SSBP3: variants seen among roughly 807,000 people sequenced by gnomAD.
SSBP3 encodes the protein single stranded DNA binding protein 3.
SSBP3 carries 5 observed loss-of-function variants against 69.6 expected under a neutral mutation model. That is an observed-to-expected ratio of 0.07 (90% confidence interval 0.04 to 0.15). SSBP3 has a LOEUF of 0.15. Ranked by LOEUF, SSBP3 falls within the 10% of genes least tolerant of loss-of-function variation. The probability of loss-of-function intolerance (pLI) is 1.00; values close to 1 mark genes in which losing one functional copy is unlikely to be tolerated. For missense variants in SSBP3, 312 were observed against 534.0 expected (o/e 0.58, Z 4.10); for synonymous variants, 196 against 193.4 (o/e 1.01, Z -0.11).
At position 54,392,640 on chromosome 1, in the gene SSBP3, C is replaced by T. The variant is rs567166257; in HGVS notation, c.276+9221G>A. Among the ~76,000 whole-genome samples, 5 of 152,310 alleles carry T rather than the reference C, an allele frequency of 3.3e-5. No homozygotes were observed. In the South Asian group the frequency reaches 8.3e-4, roughly 25 times the overall value. ...TGCCCCTTGTCCATCTTCATTAAAA[C>T]GAGTACTTAGCACAGTTGATGCCTG... On this transcript the variant is annotated intron_variant, in intron 4 of 17. Transcript: ENST00000610401.
chr1:54,301,859 C>CCA, intron 4 of SSBP3, among the ~76,000 whole-genome samples: 1 of 152,326 alleles, frequency 6.6e-6, no homozygotes, highest in Middle Eastern at 3.4e-3. Context: ...TCCCAGGCAC[C>CCA]CACAGGCTCT....
chr1:54,259,568 T>C (rs1213265543), intron 5 of SSBP3, among the ~76,000 whole-genome samples: 1 of 152,140 alleles, frequency 6.6e-6, no homozygotes, highest in Non-Finnish European at 1.5e-5. Context: ...TTAGAAAAAT[T>C]CAAAATGTGC....
At chr1:54,360,808 A>G (rs1646940290) in intron 4 of SSBP3, among the ~76,000 whole-genome samples, 1 of 152,040 alleles carries the variant, frequency 6.6e-6, no homozygotes, top group African/African-American at 2.4e-5. Context: ...GGCCAGGCAC[A>G]GTGGCTCACT....
At chr1:54,395,144 G>C (rs1470737313) in intron 4 of SSBP3, among the ~76,000 whole-genome samples, 2 of 151,834 alleles carry the variant, frequency 1.3e-5, no homozygotes, top group Admixed American at 6.6e-5. Context: ...ATACCAAAGA[G>C]AACAGTGCAA....
chr1:54,389,353 C>T (rs1648317395), intron 4 of SSBP3, among the ~76,000 whole-genome samples: 1 of 152,028 alleles, frequency 6.6e-6, no homozygotes, highest in Non-Finnish European at 1.5e-5. Flanking sequence ...CACATAGGTC[C>T]CAAAGCCAAG....
chr1:54,319,410 G>T (rs1387040561), intron 4 of SSBP3, among the ~76,000 whole-genome samples: 1 of 151,830 alleles, frequency 6.6e-6, no homozygotes, highest in Non-Finnish European at 1.5e-5. Context: ...TCCCATCCAG[G>T]TCTACACCTG....
At chr1:54,346,748 G>A (rs539240231) in intron 4 of SSBP3, among the ~76,000 whole-genome samples, 295 of 151,830 alleles carry the variant, frequency 1.9e-3, no homozygotes, top group Non-Finnish European at 3.5e-3. Context: ...CCGGGAGGCG[G>A]AGCTTGCAGT....
chr1:54,405,038 T>C (rs536202804), intron 1 of SSBP3, 108 bp from the exon 2 acceptor site: 13 of 987,896 alleles, frequency 1.3e-5, no homozygotes, highest in African/African-American at 1.3e-4. Context: ...GCCGTCCCAT[T>C]GTGGCCCCGA....
intron 7 of SSBP3, among the ~76,000 whole-genome samples, chr1:54,255,167 G>T (rs544909926): frequency 8.5e-5 from 12 of 140,656 alleles, no homozygotes; most frequent in Admixed American, 4.2e-4. Flanking sequence ...GCGGGGGGGG[G>T]GGTGGTTGGC....
chr1:54,241,177 G>T lies in SSBP3; in HGVS notation c.802-218C>A, dbSNP rs1426724890. The stretch of plus-strand genomic sequence containing the variant: ...TTCAGACCAAGCGGCCCCTGTGGGT[G>T]TGTGTGCCTGCATTATGTGCTCACA... On this transcript the variant is annotated intron_variant, in intron 12 of 17. Transcript: ENST00000610401. Among the ~76,000 whole-genome samples, 4 of 152,284 alleles carry T rather than the reference G, an allele frequency of 2.6e-5. No homozygotes were observed. The East Asian group carries it at 5.8e-4, about 22-fold the overall frequency.
chr1:54,403,909 A>G (rs1250799966), intron 3 of SSBP3, among the ~76,000 whole-genome samples: 1 of 151,630 alleles, frequency 6.6e-6, no homozygotes, highest in African/African-American at 2.4e-5. Flanking sequence ...AAGGACACAG[A>G]GGCCTGGTTA....
At chr1:54,305,494 A>ATT in intron 4 of SSBP3, among the ~76,000 whole-genome samples, 1 of 152,244 alleles carries the variant, frequency 6.6e-6, no homozygotes, top group East Asian at 1.9e-4. Context: ...GCCAGGGAAC[A>ATT]TTTTCAAAAT....
chr1:54,356,005 A>G (rs1281697446), intron 4 of SSBP3, among the ~76,000 whole-genome samples: 1 of 152,250 alleles, frequency 6.6e-6, no homozygotes, highest in East Asian at 1.9e-4. Context: ...CTTTAAGCTC[A>G]GCAGAGAAAC....
chr1:54,409,443 C>T (rs1357919421), upstream of SSBP3, among the ~76,000 whole-genome samples: 1 of 151,922 alleles, frequency 6.6e-6, no homozygotes, highest in Non-Finnish European at 1.5e-5. Context: ...CTCCAGCACA[C>T]AGCGCAGGCT....
chr1:54,368,959 T>A (rs752727703), intron 4 of SSBP3, among the ~76,000 whole-genome samples: 1 of 152,112 alleles, frequency 6.6e-6, no homozygotes, highest in Non-Finnish European at 1.5e-5. Context: ...CTTGGGGGCA[T>A]GAGGGGAGGT....
intron 4 of SSBP3, among the ~76,000 whole-genome samples, chr1:54,283,186 T>A (rs1421765384): frequency 6.6e-6 from 1 of 151,146 alleles, no homozygotes; most frequent in Non-Finnish European, 1.5e-5. Context: ...AGAATTCACT[T>A]GAACTCAGGA....
At chr1:54,246,563 C>G (rs781170451) in intron 9 of SSBP3, among the ~76,000 whole-genome samples, 1 of 152,162 alleles carries the variant, frequency 6.6e-6, no homozygotes, top group Non-Finnish European at 1.5e-5. Context: ...ACATGCAGTA[C>G]GCAGCGCTGA....
At chr1:54,244,969 T>C (rs745718263) in intron 9 of SSBP3, among the ~76,000 whole-genome samples, 2 of 152,092 alleles carry the variant, frequency 1.3e-5, no homozygotes, top group Non-Finnish European at 2.9e-5. Context: ...CCTTTGAAGG[T>C]GGGGCTGTGT....
intron 4 of SSBP3, among the ~76,000 whole-genome samples, chr1:54,335,110 C>T (rs1646486317): frequency 6.6e-6 from 1 of 152,182 alleles, no homozygotes; most frequent in South Asian, 2.1e-4. Flanking sequence ...GGGCCTCAGC[C>T]AGCTCTGCCC....
Sources: allele counts gnomAD v4.1 joint callset (sites outside exome capture counted in the v4.1 genomes callset), GRCh38; gene constraint gnomAD v4.1.1; transcripts MANE v1.5; gene names NCBI Gene and HGNC (gene_info 2026-07-23, HGNC 2026-07-21).